Variants in CDH13 observed in about 807,000 individuals in gnomAD.
CDH13 encodes the protein cadherin 13, also known as cadherin-13.
In CDH13, 24 loss-of-function variants were observed where a neutral mutation model predicts 63.8. The ratio of observed to expected loss-of-function variants is 0.38; its 90% CI spans 0.27 to 0.53. The LOEUF is 0.53. Among genes scored for constraint, CDH13 ranks in the 20% least tolerant of loss-of-function variants. CDH13 has a pLI of 0.85. For missense variants in CDH13, 1,049 were observed against 903.1 expected, an observed-to-expected ratio of 1.16 and a Z score of -2.07; for synonymous variants, 503 against 355.3, an observed-to-expected ratio of 1.42 and a Z score of -4.67.
intron 11 of CDH13, among the ~76,000 whole-genome samples, chr16:83,760,885 T>C (rs1913912449): frequency 6.6e-6 from 1 of 152,224 alleles, no homozygotes; most frequent in Non-Finnish European, 1.5e-5. Flanking sequence ...AGCATCTTGT[T>C]CCAAGGAAGG....
At position 82,884,382 on chromosome 16, in the gene CDH13, G is replaced by A. The variant is rs550304233; in HGVS notation, c.157+25909G>A. On this transcript the variant is annotated intron_variant, in intron 2 of 13. Transcript: ENST00000567109. ...TTCTTCTAACCAGGAGAGCTGACAA[G>A]TAACAAAATGAGACTCCTTCTGTTG... 8 of 348,220 alleles carry A rather than the reference G, an allele frequency of 2.3e-5. No individual in the cohort carries two copies. In the East Asian group the frequency reaches 5.9e-4, roughly 26 times the overall value. 21.6% of individuals were successfully genotyped at this position (348,220 alleles called of 1,614,324 possible).
chr16:83,221,319 C>G (rs1180296675), intron 5 of CDH13, among the ~76,000 whole-genome samples: 1 of 152,120 alleles, frequency 6.6e-6, no homozygotes, highest in Non-Finnish European at 1.5e-5. Context: ...CTGCCCCAGC[C>G]CCCAGAAAAA....
chr16:83,327,471 C>G (rs971278559), intron 5 of CDH13, among the ~76,000 whole-genome samples: 1 of 152,170 alleles, frequency 6.6e-6, no homozygotes, highest in African/African-American at 2.4e-5. Context: ...ACTCAAAGCC[C>G]TTAGCTAATT....
At chr16:82,682,889 G>A (rs1329555370) in intron 1 of CDH13, among the ~76,000 whole-genome samples, 1 of 152,140 alleles carries the variant, frequency 6.6e-6, no homozygotes, top group Non-Finnish European at 1.5e-5. Flanking sequence ...AGGAATTAAG[G>A]GAGCAGAAAA....
At chr16:82,893,934 C>T (rs988920969) in intron 2 of CDH13, among the ~76,000 whole-genome samples, 1 of 152,202 alleles carries the variant, frequency 6.6e-6, no homozygotes, top group African/African-American at 2.4e-5. Context: ...CTTCAGTAAC[C>T]TCCCACATGT....
intron 2 of CDH13, among the ~76,000 whole-genome samples, chr16:82,878,108 G>A (rs185375962): frequency 6.4e-4 from 98 of 152,134 alleles, no homozygotes; most frequent in Admixed American, 1.8e-3. Context: ...ATCAGCCTCA[G>A]AAGCCAGATT....
intron 3 of CDH13, among the ~76,000 whole-genome samples, chr16:83,102,930 C>CTTTTTTTTTT (rs71148812): frequency 6.2e-5 from 6 of 96,928 alleles, no homozygotes; most frequent in Admixed American, 1.2e-4. Flanking sequence ...TTTTCTTTTT[C>CTTTTTTTTTT]TTTTTTTTTT....
chr16:83,335,769 G>A (rs912233675), intron 5 of CDH13, among the ~76,000 whole-genome samples: 3 of 152,068 alleles, frequency 2.0e-5, no homozygotes, highest in Non-Finnish European at 2.9e-5. Flanking sequence ...ACCGGTGCAT[G>A]CAGACCCCAG....
intron 5 of CDH13, among the ~76,000 whole-genome samples, chr16:83,326,952 G>T (rs1425675737): frequency 6.6e-6 from 1 of 152,168 alleles, no homozygotes; most frequent in Non-Finnish European, 1.5e-5. Flanking sequence ...CTAACAGAAT[G>T]CATCTCATCC....
intron 1 of CDH13, among the ~76,000 whole-genome samples, chr16:82,640,121 C>G (rs1008435388): frequency 3.3e-5 from 5 of 152,082 alleles, no homozygotes; most frequent in African/African-American, 4.8e-5. Context: ...GGTAGTTTTG[C>G]GTAGTGATAG....
At chr16:82,962,709 A>G (rs968249565) in intron 2 of CDH13, among the ~76,000 whole-genome samples, 4 of 152,184 alleles carry the variant, frequency 2.6e-5, no homozygotes, top group African/African-American at 9.7e-5. Flanking sequence ...TTCTGTCGAC[A>G]TTTCATTTCT....
chr16:83,447,438 T>C (rs1343624579), intron 6 of CDH13, among the ~76,000 whole-genome samples: 7 of 151,800 alleles, frequency 4.6e-5, no homozygotes, highest in South Asian at 2.1e-4. Flanking sequence ...AAAAAAAAGT[T>C]TGATGGATGA....
intron 1 of CDH13, among the ~76,000 whole-genome samples, chr16:82,781,899 T>C (rs1280719130): frequency 1.3e-5 from 2 of 152,182 alleles, no homozygotes; most frequent in African/African-American, 4.8e-5. Flanking sequence ...CAGAGAACTG[T>C]GCCGTGTTGC....
intron 2 of CDH13, among the ~76,000 whole-genome samples, chr16:82,997,508 C>T (rs1035427599): frequency 6.6e-6 from 1 of 152,064 alleles, no homozygotes; most frequent in Non-Finnish European, 1.5e-5. Flanking sequence ...AAAATGTCAA[C>T]ATTTTAAATA....
chr16:83,093,294 CTTTTTTTTTTTTTTTTTT>C (rs549590536), intron 3 of CDH13, among the ~76,000 whole-genome samples: 10 of 35,292 alleles, frequency 2.8e-4, no homozygotes, highest in African/African-American at 3.5e-4. Flanking sequence ...ACCATAAGTA[CTTTTTTTTTTTTTTTTTT>C]TTTTTTTTTT....
At chr16:83,175,196 C>A (rs1404091328) in intron 4 of CDH13, among the ~76,000 whole-genome samples, 2 of 152,026 alleles carry the variant, frequency 1.3e-5, no homozygotes, top group Non-Finnish European at 2.9e-5. Flanking sequence ...CTCAAACATG[C>A]CACAGGATAA....
At chr16:83,440,826 G>A (rs920775432) in intron 6 of CDH13, among the ~76,000 whole-genome samples, 12 of 150,566 alleles carry the variant, frequency 8.0e-5, no homozygotes, top group Non-Finnish European at 1.3e-4. Flanking sequence ...ATTAATCCTG[G>A]TGCCCTTCTA....
chr16:83,628,169 G>A (rs960474210), intron 8 of CDH13, among the ~76,000 whole-genome samples: 2 of 152,114 alleles, frequency 1.3e-5, no homozygotes. Context: ...ATGCCTAACC[G>A]CCTGGGAACG....
chr16:82,825,821 A>C (rs919227468), intron 1 of CDH13: 7 of 151,732 alleles, frequency 4.6e-5, no homozygotes, highest in African/African-American at 1.7e-4. Flanking sequence ...TGCGAGGATT[A>C]CAGGCGCAAG....
Sources: allele counts gnomAD v4.1 joint callset (sites outside exome capture counted in the v4.1 genomes callset), GRCh38; gene constraint gnomAD v4.1.1; transcripts MANE v1.5; gene names NCBI Gene and HGNC (gene_info 2026-07-23, HGNC 2026-07-21).